Variants in DOCK3 observed in about 807,000 individuals in gnomAD.
DOCK3 encodes the protein dedicator of cytokinesis 3.
Under a neutral mutation model 265.6 loss-of-function variants are expected in DOCK3, and 60 were observed. The ratio of observed to expected loss-of-function variants is 0.23; its 90% confidence interval spans 0.18 to 0.28. DOCK3 has a LOEUF of 0.28. Ranked by LOEUF, DOCK3 falls within the 10% of genes least tolerant of loss-of-function variation. DOCK3 has a pLI of 1.00. For synonymous variants in DOCK3, 881 were observed against 938.0 expected, an observed-to-expected ratio of 0.94 and a Z score of 1.11; for missense variants, 1,981 against 2,594.3, an observed-to-expected ratio of 0.76 and a Z score of 5.14.
Position 51,097,273 on chromosome 3 carries a change from G to A in DOCK3, c.746+6889G>A, listed in dbSNP as rs115966111. On this transcript the variant is annotated intron_variant, in intron 9 of 52. Coordinates refer to ENST00000266037, the MANE Select transcript of DOCK3 (RefSeq NM_004947.5). ...GTTTGTTCTGTAAGGCCCTGACTGGGGTTGCTGAGTTTCTTTCATAGATGC... is the reference window on the plus strand; with the variant it reads ...GTTTGTTCTGTAAGGCCCTGACTGGAGTTGCTGAGTTTCTTTCATAGATGC... Among the ~76,000 whole-genome samples, 615 of 152,308 alleles carry A rather than the reference G, an allele frequency of 4.0e-3. 6 individuals are homozygous for A. The highest frequency in any genetic ancestry group is 0.014 in the African/African-American group (577 of 41,564).
At chr3:50,729,109 T>A (rs1334884489) in intron 1 of DOCK3, among the ~76,000 whole-genome samples, 1 of 146,214 alleles carries the variant, frequency 6.8e-6, no homozygotes, top group Non-Finnish European at 1.5e-5. Flanking sequence ...TCACTTGAGC[T>A]CAGGAGTTCA....
chr3:51,351,789 TG>T (rs2086004451), intron 40 of DOCK3, among the ~76,000 whole-genome samples: 1 of 151,750 alleles, frequency 6.6e-6, no homozygotes, highest in Admixed American at 6.6e-5. Flanking sequence ...CCCGAGTGGC[TG>T]GGATTACAGG....
At chr3:51,260,515 GC>G (rs2079793552) in intron 23 of DOCK3, among the ~76,000 whole-genome samples, 189 bp downstream of exon 23, 1 of 152,184 alleles carries the variant, frequency 6.6e-6, no homozygotes. Context: ...TGCCTCAGCT[GC>G]CAGATGTAAA....
At chr3:51,121,015 GA>G (rs2083991337) in intron 9 of DOCK3, among the ~76,000 whole-genome samples, 1 of 151,962 alleles carries the variant, frequency 6.6e-6, no homozygotes, top group Non-Finnish European at 1.5e-5. Context: ...CTGGGGTATG[GA>G]AAAAAACAAA....
intron 2 of DOCK3, among the ~76,000 whole-genome samples, chr3:50,825,985 C>G (rs2044735928): frequency 6.6e-6 from 1 of 151,218 alleles, no homozygotes. Context: ...CAGTGGCAGA[C>G]TGCTCTGCAA....
intron 27 of DOCK3, among the ~76,000 whole-genome samples, chr3:51,309,368 G>T (rs911136438): frequency 1.3e-4 from 20 of 152,196 alleles, no homozygotes; most frequent in Non-Finnish European, 2.4e-4. Context: ...GATCACTTGC[G>T]GTTAGGAGCT....
chr3:50,955,347 G>A (rs2076700916), intron 5 of DOCK3, among the ~76,000 whole-genome samples: 1 of 152,074 alleles, frequency 6.6e-6, no homozygotes, highest in African/African-American at 2.4e-5. Context: ...TGTACTCAGA[G>A]GAATACAAGT....
chr3:50,975,992 C>T (rs1218893107), intron 5 of DOCK3, among the ~76,000 whole-genome samples: 1 of 150,482 alleles, frequency 6.6e-6, no homozygotes, highest in Admixed American at 6.6e-5. Context: ...GGTGATATCC[C>T]CTTTATCATT....
intron 32 of DOCK3, among the ~76,000 whole-genome samples, chr3:51,317,469 A>T (rs1296459617): frequency 6.6e-6 from 1 of 150,992 alleles, no homozygotes; most frequent in African/African-American, 2.4e-5. Context: ...AGTCCCAGAT[A>T]CTCAGGAGGC....
At chr3:51,076,552 A>G (rs1238689622) in intron 7 of DOCK3, among the ~76,000 whole-genome samples, 1 of 152,180 alleles carries the variant, frequency 6.6e-6, no homozygotes, top group Non-Finnish European at 1.5e-5. Context: ...TTCTCCCAGG[A>G]CAATGCAAGT....
chr3:51,090,162 C>T (rs541499652), intron 8 of DOCK3, 68 bp from the exon 9 acceptor site: 3 of 1,441,574 alleles, frequency 2.1e-6, no homozygotes, highest in African/African-American at 1.4e-5. Flanking sequence ...ATTTAGTTTC[C>T]ACTTTTTAAT....
intron 3 of DOCK3, among the ~76,000 whole-genome samples, chr3:50,869,967 A>G (rs924051311): frequency 1.3e-5 from 2 of 152,066 alleles, no homozygotes; most frequent in Non-Finnish European, 2.9e-5. Flanking sequence ...GTTTTATTCC[A>G]TTGTGGTCAA....
chr3:50,829,615 G>A (rs927826765), intron 2 of DOCK3, among the ~76,000 whole-genome samples: 9 of 152,150 alleles, frequency 5.9e-5, no homozygotes, highest in Non-Finnish European at 2.9e-5. Context: ...TCACCTTGAT[G>A]TGGTTTTCCT....
chr3:50,886,119 G>C (rs1218900595), intron 3 of DOCK3, among the ~76,000 whole-genome samples: 2 of 150,944 alleles, frequency 1.3e-5, no homozygotes, highest in Non-Finnish European at 3.0e-5. Flanking sequence ...ATGTTATTTT[G>C]TGTCTCCCAC....
At chr3:51,362,417 C>T in intron 48 of DOCK3, 110 bp from the exon 49 acceptor site, 1 of 1,402,516 alleles carries the variant, frequency 7.1e-7, no homozygotes, top group Non-Finnish European at 9.8e-7. Flanking sequence ...CAGGGGATAG[C>T]ATAAGGCACT....
intron 14 of DOCK3, among the ~76,000 whole-genome samples, chr3:51,214,645 T>A (rs77204798): frequency 0.016 from 2,421 of 152,340 alleles, 32 homozygotes; most frequent in Non-Finnish European, 0.023. Flanking sequence ...TCAAAATATA[T>A]GCCTGTAGTA....
At chr3:51,219,901 T>G (rs2089987744) in intron 14 of DOCK3, among the ~76,000 whole-genome samples, 1 of 152,172 alleles carries the variant, frequency 6.6e-6, no homozygotes, top group Non-Finnish European at 1.5e-5. Flanking sequence ...CATCCCTGAC[T>G]CAAGAAAGGA....
At chr3:51,217,032 A>G (rs2883809) in intron 14 of DOCK3, among the ~76,000 whole-genome samples, 125,091 of 152,226 alleles carry the variant, frequency 0.82, 51,984 homozygotes, top group Middle Eastern at 0.9. Flanking sequence ...AGTAACTGTG[A>G]CCATGATAGC....
Position 50,830,666 on chromosome 3 carries a change from C to T in DOCK3, c.122-11009C>T, listed in dbSNP as rs1012045911. Among the ~76,000 whole-genome samples the T allele has an allele frequency of 5.3e-5, 8 of 152,230 alleles. No individual in the cohort carries two copies. The South Asian group carries it at 1.2e-3, about 24-fold the overall frequency. ...CTTCATTCTTTTGGGTTCACACTGC[C>T]GACACTGTTCTGCAGCTTCTCTGTC... On this transcript the variant is annotated intron_variant, in intron 2 of 52. Coordinates refer to ENST00000266037, the MANE Select transcript of DOCK3 (RefSeq NM_004947.5).
Sources: gnomAD v4.1 joint callset for allele counts (sites outside exome capture counted in the v4.1 genomes callset) on GRCh38, gnomAD v4.1.1 for gene constraint, MANE v1.5 for transcripts, NCBI Gene and HGNC (gene_info 2026-07-23, HGNC 2026-07-21) for gene names.